ROBO2: variants seen among roughly 807,000 people sequenced by gnomAD.
ROBO2 encodes the protein roundabout homolog 2.
A neutral mutation model predicts 160.8 loss-of-function variants in ROBO2; 53 were observed. The observed-to-expected ratio is 0.33, with a 90% CI of 0.26 to 0.41. The LOEUF (loss-of-function observed/expected upper bound fraction) is 0.41, where lower values mean the gene tolerates loss of function less well. Ranked by LOEUF, ROBO2 falls within the 10% of genes least tolerant of loss-of-function variation. The pLI is 1.00. For synonymous variants in ROBO2, 664 were observed against 611.7 expected (o/e 1.09, Z -1.26); for missense variants, 1,577 against 1,722.4 (o/e 0.92, Z 1.49).
At chr3:76,577,056 A>G (rs2085352993) in intron 2 of ROBO2, among the ~76,000 whole-genome samples, 1 of 152,142 alleles carries the variant, frequency 6.6e-6, no homozygotes, top group East Asian at 1.9e-4. Flanking sequence ...GTCTGTTAAT[A>G]TTCTTTATAA....
At position 76,134,278 on chromosome 3, in the gene ROBO2, C is replaced by T. The variant is rs77046640; in HGVS notation, c.109+196676C>T. Among the ~76,000 whole-genome samples, 57 of 134,870 alleles carry T rather than the reference C, an allele frequency of 4.2e-4. 1 individual carries two copies. The highest frequency in any genetic ancestry group is 9.4e-4 in the African/African-American group (33 of 35,134). The allele number at this position is 134,870 out of a possible 152,430, so 88.5% of individuals were successfully genotyped here. The stretch of plus-strand genomic sequence containing the variant: ...TCCCAAGTGAAGATACTTTTTTTTT[C>T]TCTCTCTCTCTCTGATAACCACCGT... On this transcript the variant is annotated intron_variant, in intron 2 of 26. Transcript: ENST00000487694.
intron 2 of ROBO2, among the ~76,000 whole-genome samples, chr3:76,466,704 ATG>A: frequency 6.6e-6 from 1 of 151,970 alleles, no homozygotes; most frequent in Non-Finnish European, 1.5e-5. Context: ...CATTTTGAGA[ATG>A]TGTGTCTTAG....
At chr3:77,617,843 C>T in intron 22 of ROBO2, 70 bp downstream of exon 23, 1 of 1,520,334 alleles carries the variant, frequency 6.6e-7, no homozygotes, top group South Asian at 1.1e-5. Context: ...AATAAATTCA[C>T]AAGAGATTCT....
intron 2 of ROBO2, among the ~76,000 whole-genome samples, chr3:77,113,836 A>C (rs551617458): frequency 3.3e-5 from 5 of 152,368 alleles, no homozygotes; most frequent in African/African-American, 1.2e-4. Context: ...ATATAGGATT[A>C]AATCAGAAAA....
At chr3:76,491,501 G>T (rs2079822810) in intron 2 of ROBO2, among the ~76,000 whole-genome samples, 2 of 152,136 alleles carry the variant, frequency 1.3e-5, no homozygotes, top group South Asian at 4.1e-4. Context: ...TTGTAGAATG[G>T]ATTAGATAAA....
At chr3:76,179,472 T>A (rs1336792435) in intron 2 of ROBO2, among the ~76,000 whole-genome samples, 1 of 152,176 alleles carries the variant, frequency 6.6e-6, no homozygotes, top group Non-Finnish European at 1.5e-5. Context: ...TCCTCCTTAC[T>A]TCCCACAGTT....
chr3:77,430,607 G>T (rs188910289), intron 2 of ROBO2, among the ~76,000 whole-genome samples: 90 of 151,996 alleles, frequency 5.9e-4, no homozygotes, highest in Non-Finnish European at 1.6e-4. Context: ...CTTTTTAGAT[G>T]GTTAGTGACC....
chr3:76,668,435 G>C (rs950638713), intron 2 of ROBO2, among the ~76,000 whole-genome samples: 1 of 152,104 alleles, frequency 6.6e-6, no homozygotes, highest in Non-Finnish European at 1.5e-5. Context: ...GTATCTTACA[G>C]AGGTGAAGTC....
intron 2 of ROBO2, among the ~76,000 whole-genome samples, chr3:77,177,282 G>T (rs1263468045): frequency 6.6e-6 from 1 of 151,860 alleles, no homozygotes; most frequent in Non-Finnish European, 1.5e-5. Context: ...TCCTGTCAAT[G>T]GTTCTGAGAG....
chr3:76,386,017 T>A (rs1004644370), intron 2 of ROBO2, among the ~76,000 whole-genome samples: 37 of 152,306 alleles, frequency 2.4e-4, no homozygotes, highest in African/African-American at 8.4e-4. Flanking sequence ...AAACAAATTT[T>A]GTTTTACCCT....
At chr3:76,196,584 T>A (rs1392726883) in intron 2 of ROBO2, among the ~76,000 whole-genome samples, 1 of 152,202 alleles carries the variant, frequency 6.6e-6, no homozygotes, top group African/African-American at 2.4e-5. Context: ...ATGTTTCTGC[T>A]GTGAGATTTC....
intron 2 of ROBO2, among the ~76,000 whole-genome samples, chr3:76,844,172 T>C (rs75360563): frequency 0.06 from 9,092 of 152,064 alleles, 289 homozygotes; most frequent in East Asian, 0.11. Flanking sequence ...GGGGTTAAAA[T>C]GCTTCATGCA....
intron 13 of ROBO2, among the ~76,000 whole-genome samples, chr3:77,573,678 C>T (rs1311606148): frequency 2.6e-5 from 4 of 151,982 alleles, no homozygotes; most frequent in Non-Finnish European, 5.9e-5. Flanking sequence ...GGACTTTATA[C>T]ATGATGTCCT....
At chr3:76,577,811 A>G (rs751517498) in intron 2 of ROBO2, among the ~76,000 whole-genome samples, 4 of 152,154 alleles carry the variant, frequency 2.6e-5, no homozygotes, top group Non-Finnish European at 5.9e-5. Flanking sequence ...ATATCTGAAG[A>G]ATCATTCACA....
intron 2 of ROBO2, among the ~76,000 whole-genome samples, chr3:76,348,010 C>A (rs1405695697): frequency 6.6e-6 from 1 of 152,150 alleles, no homozygotes; most frequent in Non-Finnish European, 1.5e-5. Context: ...AAAACTGCTA[C>A]CTTTGAGGCT....
intron 2 of ROBO2, among the ~76,000 whole-genome samples, chr3:76,347,482 AT>A (rs2074599684): frequency 6.6e-6 from 1 of 152,092 alleles, no homozygotes; most frequent in African/African-American, 2.4e-5. Context: ...CAAATTCAAA[AT>A]AGCTTTATAA....
chr3:75,939,133 C>T (rs1947925462), intron 2 of ROBO2, among the ~76,000 whole-genome samples: 1 of 150,780 alleles, frequency 6.6e-6, no homozygotes, highest in Non-Finnish European at 1.5e-5. Context: ...AATATGTAGA[C>T]AGCCGCGTTG....
exon 9 of ROBO2, chr3:77,557,986 C>G (rs1246419772): frequency 1.9e-6 from 3 of 1,612,966 alleles, no homozygotes; most frequent in Non-Finnish European, 8.5e-7. Flanking sequence ...CAAGGCCCAG[C>G]CAACCAAACG....
At chr3:76,096,001 G>A (rs2069435250) in intron 2 of ROBO2, among the ~76,000 whole-genome samples, 1 of 151,962 alleles carries the variant, frequency 6.6e-6, no homozygotes. Context: ...AATTTTAAAA[G>A]GTATTAAAGA....
Sources: allele counts gnomAD v4.1 joint callset (sites outside exome capture counted in the v4.1 genomes callset), GRCh38; gene constraint gnomAD v4.1.1; transcripts MANE v1.5; gene names NCBI Gene and HGNC (gene_info 2026-07-23, HGNC 2026-07-21).